Variants in NHLRC2 observed in about 807,000 individuals in gnomAD.
The protein encoded by NHLRC2 is NHL repeat-containing protein 2.
In NHLRC2, 33 loss-of-function variants were observed where a neutral mutation model predicts 68.1. The observed-to-expected ratio is 0.48, with a 90% CI of 0.37 to 0.65. The LOEUF (loss-of-function observed/expected upper bound fraction) is 0.65, where lower values mean the gene tolerates loss of function less well. Among genes scored for constraint, NHLRC2 ranks in the 30% least tolerant of loss-of-function variants. The pLI, the probability that NHLRC2 is intolerant of heterozygous loss-of-function variation, is 0.00. For synonymous variants in NHLRC2, 311 were observed against 309.6 expected (o/e 1.00, Z -0.05); for missense variants, 761 against 853.8 (o/e 0.89, Z 1.35).
At chr10:113,871,706 A>G (rs1434855108) in intron 2 of NHLRC2, among the ~76,000 whole-genome samples, 2 of 152,210 alleles carry the variant, frequency 1.3e-5, no homozygotes, top group African/African-American at 2.4e-5. Flanking sequence ...AAAAGAATCT[A>G]TCTGTGCTAC....
At chr10:113,905,812 A>G (rs974444348) in intron 10 of NHLRC2, among the ~76,000 whole-genome samples, 1 of 152,132 alleles carries the variant, frequency 6.6e-6, no homozygotes, top group Non-Finnish European at 1.5e-5. Context: ...ACTGGCCTGC[A>G]ATTATAATAT....
intron 4 of NHLRC2, 88 bp from the exon 5 acceptor site, chr10:113,884,163 T>A: frequency 8.2e-7 from 1 of 1,216,376 alleles, no homozygotes; most frequent in Non-Finnish European, 1.2e-6. Context: ...CTCTAAATGT[T>A]CTATTGACTA....
At chr10:113,871,761 C>G (rs1362367782) in intron 2 of NHLRC2, among the ~76,000 whole-genome samples, 1 of 152,090 alleles carries the variant, frequency 6.6e-6, no homozygotes, top group Non-Finnish European at 1.5e-5. Flanking sequence ...CTTGAATCTC[C>G]CCACTGTCCC....
rs763269741 is a variant in NHLRC2 at position 113,908,579 on chromosome 10, C to G, written c.*43C>G. The stretch of plus-strand genomic sequence containing the variant: ...AACCCATTGCCACCACCTACTGTCT[C>G]CCATCCTGACTATCACTGTAATTTA... On this transcript the variant is annotated 3_prime_UTR_variant, in exon 11 of 11. Transcript: ENST00000369301. 1.9e-5 allele frequency: 30 copies of G among 1,600,880 alleles called. No homozygotes were observed. The highest frequency in any genetic ancestry group is 2.5e-5 in the Non-Finnish European group (29 of 1,170,028).
rs1166883832 is a variant in NHLRC2 at position 113,913,847 on chromosome 10, G to GTTTTTTTTTTTTTTT, written c.*5315_*5329dup. The GTTTTTTTTTTTTTTT allele has an allele frequency of 4.1e-5, 5 of 121,522 alleles. No homozygotes were observed. The highest frequency in any genetic ancestry group is 8.4e-5 in the Admixed American group (1 of 11,946). The allele number at this position is 121,522 out of a possible 1,614,324, so 7.5% of individuals were successfully genotyped here. A position where few individuals can be genotyped will look rare whatever the true frequency, so the allele number is the denominator to read the frequency against. Reference sequence around the variant, plus strand: ...AGGTACTTTTTGTTGTTGTTGTTTTGTTTTTTTTTTTTTTTTTTGAGATGG... The same window carrying GTTTTTTTTTTTTTTT: ...AGGTACTTTTTGTTGTTGTTGTTTTGTTTTTTTTTTTTTTTTTTTTTTTTTTTTTTTTTGAGATGG... On this transcript the variant is annotated 3_prime_UTR_variant, in exon 11 of 11. Transcript: ENST00000369301.
chr10:113,908,757 A>T lies in NHLRC2; in HGVS notation c.*221A>T. 3.6e-6 allele frequency: 2 copies of T among 557,164 alleles called. No individual in the cohort carries two copies. Among genetic ancestry groups the T allele is most frequent in the Admixed American group, 6.2e-5 (2 of 32,152 alleles). The allele number at this position is 557,164 out of a possible 1,614,324, so 34.5% of individuals were successfully genotyped here. ...GCTGATACTAGCTGAGTCATTGATCATCATTGGTACCATGATATTGTAATC... is the reference window on the plus strand; with the variant it reads ...GCTGATACTAGCTGAGTCATTGATCTTCATTGGTACCATGATATTGTAATC... On this transcript the variant is annotated 3_prime_UTR_variant, in exon 11 of 11. Transcript: ENST00000369301.
chr10:113,884,990 T>G (rs1198540491), intron 5 of NHLRC2, among the ~76,000 whole-genome samples: 1 of 151,844 alleles, frequency 6.6e-6, no homozygotes, highest in African/African-American at 2.4e-5. Context: ...TTTTTATTTT[T>G]TATTGGCTCT....
intron 5 of NHLRC2, among the ~76,000 whole-genome samples, chr10:113,891,744 G>A (rs532487750): frequency 4.6e-5 from 7 of 152,256 alleles, no homozygotes; most frequent in South Asian, 4.1e-4. Flanking sequence ...ACTGCTACTC[G>A]TTGTTATTCT....
At chr10:113,878,373 T>G (rs1262859499) in intron 3 of NHLRC2, among the ~76,000 whole-genome samples, 1 of 152,186 alleles carries the variant, frequency 6.6e-6, no homozygotes, top group Non-Finnish European at 1.5e-5. Context: ...CAAAACATTT[T>G]ACTTGTATGA....
At chr10:113,859,009 A>G (rs1399385879) in intron 2 of NHLRC2, among the ~76,000 whole-genome samples, 2 of 152,172 alleles carry the variant, frequency 1.3e-5, no homozygotes, top group African/African-American at 4.8e-5. Context: ...AAAAAAATAA[A>G]ATATCTGACC....
chr10:113,903,532 A>G lies in NHLRC2; in HGVS notation c.1500A>G (p.Lys500=). The change falls in exon 9 of 11, where the codon AAA becomes AAG. Residue 500 remains lysine, a synonymous_variant. Transcript: ENST00000369301. The part of the protein sequence containing the change: ...YVADSYNHKI[K]VVDPKTKNCT... ...TTTTGTTCTTTCTTTTTTAGATTAA[A>G]GTTGTGGATCCAAAAACAAAAAACT... is the stretch of plus-strand genomic sequence containing the variant. The G allele has an allele frequency of 6.3e-7, 1 of 1,590,360 alleles. No individual in the cohort carries two copies. The highest frequency in any genetic ancestry group is 8.6e-7 in the Non-Finnish European group (1 of 1,164,296).
At chr10:113,902,301 A>AT (rs894671908) in intron 7 of NHLRC2, among the ~76,000 whole-genome samples, 170 bp from the exon 8 acceptor site, 2 of 151,996 alleles carry the variant, frequency 1.3e-5, no homozygotes, top group African/African-American at 2.4e-5. Context: ...AAATACTGTC[A>AT]TTTTTTTTCT....
intron 1 of NHLRC2, among the ~76,000 whole-genome samples, chr10:113,857,949 A>T (rs1845775372): frequency 6.6e-6 from 1 of 151,498 alleles, no homozygotes. Context: ...ATGTTTAGTT[A>T]TATCTTACTA....
chr10:113,906,699 T>C (rs1308299333), intron 10 of NHLRC2, among the ~76,000 whole-genome samples: 1 of 152,196 alleles, frequency 6.6e-6, no homozygotes, highest in East Asian at 1.9e-4. Context: ...ATTTAAAATA[T>C]AAGAAATTGG....
intron 8 of NHLRC2, among the ~76,000 whole-genome samples, chr10:113,903,258 A>T (rs1417770803): frequency 3.3e-5 from 5 of 152,172 alleles, no homozygotes; most frequent in Non-Finnish European, 5.9e-5. Flanking sequence ...TTAATTCCAG[A>T]AATAACTTCA....
At position 113,906,748 on chromosome 10, in the gene NHLRC2, G is replaced by C. The variant is rs1464429005; in HGVS notation, c.1925-1532G>C. ...CTCACGCCTGTAATCCCAGCACTTTGGGAGACAGAGGCAGGCAGATCATGA... is the reference window on the plus strand; with the variant it reads ...CTCACGCCTGTAATCCCAGCACTTTCGGAGACAGAGGCAGGCAGATCATGA... On this transcript the variant is annotated intron_variant, in intron 10 of 10. Coordinates refer to ENST00000369301, the MANE Select transcript of NHLRC2 (RefSeq NM_198514.4). 5.9e-5 allele frequency among the ~76,000 whole-genome samples: 9 copies of C among 152,220 alleles called. 1 individual carries two copies. Among genetic ancestry groups the C allele is most frequent in the African/African-American group, 2.2e-4 (9 of 41,466 alleles).
chr10:113,887,146 A>G lies in NHLRC2; in HGVS notation c.1039+2766A>G, dbSNP rs148267761. Among the ~76,000 whole-genome samples the G allele has an allele frequency of 4.6e-5, 7 of 151,756 alleles. No individual in the cohort carries two copies. In the East Asian group the frequency reaches 1.3e-3, roughly 29 times the overall value. ...TCTAATCATCAAGGAAATGAGAATT[A>G]AAGCAATGATGTGATATTACCTCAC... On this transcript the variant is annotated intron_variant, in intron 5 of 10. Transcript: ENST00000369301.
intron 1 of NHLRC2, among the ~76,000 whole-genome samples, chr10:113,855,465 GGTTTTTTTTT>G (rs1329994360): frequency 6.6e-6 from 1 of 151,718 alleles, no homozygotes; most frequent in Non-Finnish European, 1.5e-5. Flanking sequence ...TCACACACAG[GGTTTTTTTTT>G]GTTTTTTTTT....
At position 113,876,787 on chromosome 10, in the gene NHLRC2, G is replaced by C. The variant is rs779973989; in HGVS notation, c.598G>C (p.Asp200His). ...YTSIALKYYK[D>H]RGQIRDNKIG... is the part of the protein sequence containing the mutation. ...TTCAATTGCTTTAAAGTATTACAAA[G>C]ACAGGGGGCAGATCAGAGATAATAA... Residue 200 changes from aspartate (D) to histidine (H), a missense_variant, in exon 3 of 11, where the codon GAC becomes CAC. By Grantham distance (81) the Asp-to-His change is moderately conservative. Coordinates refer to ENST00000369301, the MANE Select transcript of NHLRC2 (RefSeq NM_198514.4). 1 of 1,612,052 alleles carries C rather than the reference G, an allele frequency of 6.2e-7. No individual in the cohort carries two copies. Among genetic ancestry groups the C allele is most frequent in the Non-Finnish European group, 8.5e-7 (1 of 1,178,322 alleles).
Sources: allele counts gnomAD v4.1 joint callset (sites outside exome capture counted in the v4.1 genomes callset), GRCh38; gene constraint gnomAD v4.1.1; transcripts MANE v1.5; gene names NCBI Gene and HGNC (gene_info 2026-07-23, HGNC 2026-07-21).